PDE1A: variants seen among roughly 807,000 people sequenced by gnomAD.
The protein encoded by PDE1A is dual specificity calcium/calmodulin-dependent 3',5'-cyclic nucleotide phosphodiesterase 1A.
In PDE1A, 35 loss-of-function variants were observed where a neutral mutation model predicts 61.7. The observed-to-expected ratio is 0.57, with a 90% CI of 0.43 to 0.75. PDE1A has a LOEUF of 0.75. PDE1A is among the 30% of genes least tolerant of loss of function. PDE1A has a pLI of 0.00. For missense variants in PDE1A, 597 were observed against 630.6 expected, an observed-to-expected ratio of 0.95 and a Z score of 0.57; for synonymous variants, 232 against 213.2, an observed-to-expected ratio of 1.09 and a Z score of -0.77.
the PDE1A span, among the ~76,000 whole-genome samples, chr2:182,701,251 G>A: frequency 6.6e-6 from 1 of 152,048 alleles, no homozygotes; most frequent in Admixed American, 6.5e-5. Context: ...TAGCCAGGAT[G>A]GTCTCGATCT....
intron 1 of PDE1A, among the ~76,000 whole-genome samples, chr2:182,314,789 T>C (rs1302597735): frequency 8.3e-6 from 1 of 120,870 alleles, no homozygotes; most frequent in African/African-American, 2.9e-5. Flanking sequence ...TGAATATATA[T>C]CAAAGCTTAT....
intron 1 of PDE1A, among the ~76,000 whole-genome samples, chr2:182,376,773 G>C (rs1490970437): frequency 6.6e-6 from 1 of 152,148 alleles, no homozygotes; most frequent in Non-Finnish European, 1.5e-5. Flanking sequence ...GGTTTAATTG[G>C]AGTTACAGTT....
rs1258647102 is a variant in PDE1A, at chr2:182,350,518, A to G, written c.53+76060T>C. Among the ~76,000 whole-genome samples the G allele has an allele frequency of 3.9e-5, 6 of 152,348 alleles. No individual in the cohort carries two copies. In the East Asian group the frequency reaches 1.2e-3, roughly 29 times the overall value. On this transcript the variant is annotated intron_variant, in intron 1 of 13. Coordinates refer to ENST00000351439, the Ensembl canonical transcript of PDE1A. ...ATGTACAGGTTACAGTGCAAAATAA[A>G]AATGCAAGGCCCCTTTTTAAAAAGC...
intron 1 of PDE1A, among the ~76,000 whole-genome samples, chr2:182,287,787 A>G (rs1223060677): frequency 6.6e-6 from 1 of 152,136 alleles, no homozygotes; most frequent in African/African-American, 2.4e-5. Context: ...CACTGAGCCT[A>G]AGACTCTGAA....
intron 7 of PDE1A, among the ~76,000 whole-genome samples, chr2:182,219,875 GTATCT>G (rs1688573495): frequency 6.6e-6 from 1 of 151,966 alleles, no homozygotes; most frequent in African/African-American, 2.4e-5. Context: ...TTTACTATCT[GTATCT>G]TATCATGTTA....
At chr2:182,224,175 T>A (rs1358308358) in intron 6 of PDE1A, among the ~76,000 whole-genome samples, 2 of 151,924 alleles carry the variant, frequency 1.3e-5, no homozygotes, top group Admixed American at 6.6e-5. Context: ...AGTTCAAAAT[T>A]CAGAATATAA....
At chr2:182,270,538 C>G (rs1692941211) in intron 1 of PDE1A, among the ~76,000 whole-genome samples, 1 of 151,466 alleles carries the variant, frequency 6.6e-6, no homozygotes, top group Non-Finnish European at 1.5e-5. Flanking sequence ...CCTCATGTGA[C>G]AGAGCATGAA....
At chr2:182,574,110 T>C in the PDE1A span, among the ~76,000 whole-genome samples, 2 of 151,992 alleles carry the variant, frequency 1.3e-5, no homozygotes, top group Non-Finnish European at 2.9e-5. Context: ...ACGTGGAGTC[T>C]GATGTGTGAG....
chr2:182,161,800 G>A (rs1450194542), intron 13 of PDE1A, among the ~76,000 whole-genome samples: 3 of 152,110 alleles, frequency 2.0e-5, no homozygotes, highest in Non-Finnish European at 4.4e-5. Flanking sequence ...TATGGTGGAA[G>A]AAACAAAGAA....
intron 1 of PDE1A, among the ~76,000 whole-genome samples, chr2:182,285,459 C>G (rs552310033): frequency 6.6e-6 from 1 of 152,020 alleles, no homozygotes; most frequent in African/African-American, 2.4e-5. Flanking sequence ...AAGGAAGTGG[C>G]CAAAATCAGA....
At chr2:182,472,645 T>C (rs973966993) in intron 2 of PDE1A, among the ~76,000 whole-genome samples, 1 of 151,866 alleles carries the variant, frequency 6.6e-6, no homozygotes, top group African/African-American at 2.4e-5. Flanking sequence ...CTGAAGACTC[T>C]GACTTCATGA....
intron 13 of PDE1A, among the ~76,000 whole-genome samples, chr2:182,183,326 T>C (rs1684924464): frequency 6.6e-6 from 1 of 152,128 alleles, no homozygotes; most frequent in African/African-American, 2.4e-5. Flanking sequence ...TTGAGAAACA[T>C]TTATTCTTAA....
intron 1 of PDE1A, among the ~76,000 whole-genome samples, chr2:182,353,478 T>A (rs1699006497): frequency 6.6e-6 from 1 of 152,116 alleles, no homozygotes; most frequent in Admixed American, 6.6e-5. Context: ...TTTCACAGAT[T>A]TTGATGTTTT....
intron 1 of PDE1A, among the ~76,000 whole-genome samples, chr2:182,423,667 G>A (rs1283170836): frequency 6.6e-6 from 1 of 152,118 alleles, no homozygotes; most frequent in East Asian, 1.9e-4. Flanking sequence ...CTCCCAGGAT[G>A]TTATCACCTC....
the PDE1A span, among the ~76,000 whole-genome samples, chr2:182,676,975 G>C: frequency 1.4e-4 from 21 of 152,212 alleles, no homozygotes; most frequent in African/African-American, 4.8e-4. Context: ...ATGGGCAAAA[G>C]CTGGAAACAT....
chr2:182,597,050 G>T, the PDE1A span, among the ~76,000 whole-genome samples: 1 of 151,678 alleles, frequency 6.6e-6, no homozygotes, highest in African/African-American at 2.4e-5. Flanking sequence ...CTGCTCAAGA[G>T]GCTGAGGTGG....
At chr2:182,707,849 C>T in the PDE1A span, among the ~76,000 whole-genome samples, 798 of 152,158 alleles carry the variant, frequency 5.2e-3, 7 homozygotes, top group African/African-American at 0.018. Context: ...TTACTAGAGG[C>T]TGGAAAGGGT....
chr2:182,479,071 G>A (rs1183903453), intron 2 of PDE1A, among the ~76,000 whole-genome samples: 1 of 151,778 alleles, frequency 6.6e-6, no homozygotes. Flanking sequence ...TTAGAAGTGA[G>A]GAAAAAGGAT....
rs143954458 is a variant in PDE1A at position 182,281,829 on chromosome 2, T to C, written c.54-17415A>G. 3.3e-3 allele frequency among the ~76,000 whole-genome samples: 497 copies of C among 152,042 alleles called. 2 individuals are homozygous for C. Among genetic ancestry groups the C allele is most frequent in the African/African-American group, 0.012 (482 of 41,536 alleles). ...TTTTTTAATGCTGTGAATAAGCAAA[T>C]TGTCAATTTTGCTTCTAACACTAAA... On this transcript the variant is annotated intron_variant, in intron 1 of 13. Coordinates refer to ENST00000351439, the Ensembl canonical transcript of PDE1A.
Sources: allele counts gnomAD v4.1 joint callset (sites outside exome capture counted in the v4.1 genomes callset), GRCh38; gene constraint gnomAD v4.1.1; transcripts MANE v1.5; gene names NCBI Gene and HGNC (gene_info 2026-07-23, HGNC 2026-07-21).